TMEM132C: variants seen among roughly 807,000 people sequenced by gnomAD.
TMEM132C encodes transmembrane protein 132C.
A neutral mutation model predicts 61.4 loss-of-function variants in TMEM132C; 29 were observed. That is an observed-to-expected ratio of 0.47 (90% CI 0.35 to 0.64). The LOEUF (loss-of-function observed/expected upper bound fraction) is 0.64. Ranked by LOEUF, TMEM132C falls within the 30% of genes least tolerant of loss-of-function variation. TMEM132C has a pLI of 0.00. For missense variants in TMEM132C, 1,408 were observed against 1,476.9 expected (o/e 0.95, Z 0.76); for synonymous variants, 656 against 633.1 (o/e 1.04, Z -0.54).
At chr12:128,592,239 C>T (rs572717905) in intron 3 of TMEM132C, among the ~76,000 whole-genome samples, 2 of 152,274 alleles carry the variant, frequency 1.3e-5, no homozygotes, top group South Asian at 4.2e-4. Context: ...CACACAGCAC[C>T]ATGCTGCTGC....
At position 128,705,594 on chromosome 12, in the gene TMEM132C, G is replaced by C. The variant is rs747585738; in HGVS notation, c.2626G>C (p.Gly876Arg). Residue 876 changes from glycine to arginine, a missense_variant, in exon 9 of 9, where the codon GGG becomes CGG. By Grantham distance (125) the Gly-to-Arg change is moderately radical. Transcript: ENST00000435159. ...NKVVKNSRADGGRLAGEGQLQ... is the reference protein window; with the variant it reads ...NKVVKNSRADRGRLAGEGQLQ... ...AGTGGTGAAGAACAGTCGGGCAGAC[G>C]GGGGCAGGCTGGCAGGAGAGGGGCA... 1 of 1,551,022 alleles carries C rather than the reference G, an allele frequency of 6.4e-7. No individual in the cohort carries two copies. The highest frequency in any genetic ancestry group is 8.7e-7 in the Non-Finnish European group (1 of 1,147,006).
Position 128,705,137 on chromosome 12 carries a change from G to A in TMEM132C, c.2169G>A (p.Thr723=), listed in dbSNP as rs754749450. Residue 723 remains threonine, a synonymous_variant, in exon 9 of 9, where the codon ACG becomes ACA. Coordinates refer to ENST00000435159, the MANE Select transcript of TMEM132C (RefSeq NM_001136103.3). ...TWLQFSDGSV[T]PLDIYDTKDF... is the part of the protein sequence containing the mutation. ...TGCAGTTCAGTGATGGCTCTGTGACGCCCCTGGACATCTACGACACCAAGG... is the reference window on the plus strand; with the variant it reads ...TGCAGTTCAGTGATGGCTCTGTGACACCCCTGGACATCTACGACACCAAGG... The A allele has an allele frequency of 2.3e-5, 35 of 1,550,178 alleles. 1 individual carries two copies. Among genetic ancestry groups the A allele is most frequent in the South Asian group, 1.2e-4 (10 of 83,932 alleles).
intron 4 of TMEM132C, among the ~76,000 whole-genome samples, chr12:128,627,792 C>T (rs531158158): frequency 1.6e-4 from 25 of 152,312 alleles, no homozygotes; most frequent in Admixed American, 9.1e-4. Flanking sequence ...CTCCCTCCGC[C>T]GAGGAGTCAG....
At position 128,415,462 on chromosome 12, in the gene TMEM132C, C is replaced by T. The variant is rs754930551; in HGVS notation, c.816C>T (p.Val272=). ...TTSHLQRIGT[V]GLYRAQDSAQ... ...CCCACCTGCAGAGGATCGGCACCGT[C>T]GGCCTTTACCGGGCCCAGGACAGCG... is the stretch of plus-strand genomic sequence containing the variant. Residue 272 remains valine, a synonymous_variant, in exon 2 of 9, where the codon GTC becomes GTT. Coordinates refer to ENST00000435159, the MANE Select transcript of TMEM132C (RefSeq NM_001136103.3). The surrounding 1 kb of genome is among the most constrained non-coding windows in gnomAD (Gnocchi z 5.8). The T allele has an allele frequency of 1.7e-5, 27 of 1,551,522 alleles. No homozygotes were observed. The South Asian group carries it at 2.4e-4, about 14-fold the overall frequency.
At position 128,682,572 on chromosome 12, in the gene TMEM132C, G is replaced by A. The variant is rs1370604815; in HGVS notation, c.1450-11257G>A. Among the ~76,000 whole-genome samples, 3 of 152,204 alleles carry A rather than the reference G, an allele frequency of 2.0e-5. No homozygotes were observed. The East Asian group carries it at 5.8e-4, about 29-fold the overall frequency. Reference sequence around the variant, plus strand: ...GAGAGGCCTCAGCACTGCTGGCGTGGCCGTTAACACTCTCTGTGTGTAGGA... The same window carrying A: ...GAGAGGCCTCAGCACTGCTGGCGTGACCGTTAACACTCTCTGTGTGTAGGA... On this transcript the variant is annotated intron_variant, in intron 5 of 8. Transcript: ENST00000435159.
At chr12:128,626,947 G>A (rs1198304537) in intron 4 of TMEM132C, among the ~76,000 whole-genome samples, 2 of 152,116 alleles carry the variant, frequency 1.3e-5, no homozygotes, top group South Asian at 2.1e-4. Context: ...CCAGCCTGCC[G>A]AGTCAAGGGA....
intron 1 of TMEM132C, among the ~76,000 whole-genome samples, chr12:128,308,717 G>A (rs1442631606): frequency 1.3e-5 from 2 of 152,132 alleles, no homozygotes; most frequent in Non-Finnish European, 2.9e-5. Context: ...CATCTTCTGG[G>A]GGGAGCTGAC....
Position 128,706,166 on chromosome 12 carries a change from C to T in TMEM132C, c.3198C>T (p.Asp1066=). ...FTTFTTIPPD[D]SCPTVNSIVS... ...CCTTTACCACCATCCCCCCGGACGA[C>T]AGCTGCCCCACGGTGAACTCCATCG... Residue 1066 remains aspartate (D), a synonymous_variant, in exon 9 of 9, where the codon GAC becomes GAT. Coordinates refer to ENST00000435159, the MANE Select transcript of TMEM132C (RefSeq NM_001136103.3). The T allele has an allele frequency of 1.9e-6, 3 of 1,551,792 alleles. 1 individual carries two copies. Among genetic ancestry groups the T allele is most frequent in the South Asian group, 2.4e-5 (2 of 84,060 alleles).
At chr12:128,361,502 C>T (rs1024376111) in intron 1 of TMEM132C, among the ~76,000 whole-genome samples, 1 of 152,016 alleles carries the variant, frequency 6.6e-6, no homozygotes, top group East Asian at 1.9e-4. Context: ...TCAGGACTTC[C>T]CCATATAACA....
rs775135649 is a variant in TMEM132C, at chr12:128,616,298, G to A, written c.1268G>A (p.Ser423Asn). 1.9e-6 allele frequency: 3 copies of A among 1,552,024 alleles called. No homozygotes were observed. In the South Asian group the frequency reaches 3.6e-5, roughly 18 times the overall value. Residue 423 changes from serine (S) to asparagine (N), a missense_variant, in exon 4 of 9, where the codon AGC (serine) becomes AAC (asparagine). Coordinates refer to ENST00000435159, the MANE Select transcript of TMEM132C (RefSeq NM_001136103.3). ...TDIAVSEIFV[S>N]QKDLVGIVPL... ...ATCGCCGTGTCCGAGATCTTTGTCA[G>A]CCAGAAGGACCTGGTGGGCATCGTT...
chr12:128,268,641 C>T (rs1172509508), intron 1 of TMEM132C, among the ~76,000 whole-genome samples: 1 of 152,124 alleles, frequency 6.6e-6, no homozygotes, highest in Non-Finnish European at 1.5e-5. Context: ...CTCAAAGCCA[C>T]CCTTCTCCCG....
chr12:128,459,168 G>A (rs533670794), intron 2 of TMEM132C, among the ~76,000 whole-genome samples: 9 of 152,302 alleles, frequency 5.9e-5, no homozygotes, highest in East Asian at 1.9e-4. Context: ...TAGTGGAGGC[G>A]GAGGTAAGCA....
intron 3 of TMEM132C, among the ~76,000 whole-genome samples, chr12:128,544,503 G>A (rs183735720): frequency 6.6e-6 from 1 of 152,390 alleles, no homozygotes; most frequent in East Asian, 1.9e-4. Flanking sequence ...GAAAGGTGGT[G>A]ACAGTCAGTG....
chr12:128,466,725 C>T (rs1038504380), intron 2 of TMEM132C, among the ~76,000 whole-genome samples: 2 of 152,094 alleles, frequency 1.3e-5, no homozygotes, highest in African/African-American at 4.8e-5. Context: ...ACCATGTTGC[C>T]CAGGCTGGTC....
At chr12:128,506,610 T>C (rs545735230) in intron 2 of TMEM132C, among the ~76,000 whole-genome samples, 2 of 152,108 alleles carry the variant, frequency 1.3e-5, no homozygotes. Context: ...GTAGGTTTCA[T>C]GGAGATCTGT....
At chr12:128,688,181 C>T (rs549320367) in intron 5 of TMEM132C, among the ~76,000 whole-genome samples, 2 of 152,286 alleles carry the variant, frequency 1.3e-5, no homozygotes, top group South Asian at 4.1e-4. Flanking sequence ...GCCCACCTGC[C>T]CACAGGAATG....
intron 1 of TMEM132C, among the ~76,000 whole-genome samples, chr12:128,270,691 T>C (rs546769680): frequency 6.6e-6 from 1 of 152,350 alleles, no homozygotes; most frequent in African/African-American, 2.4e-5. Context: ...CACTTACATG[T>C]GTACACTTAG....
At chr12:128,460,981 G>C (rs898862226) in intron 2 of TMEM132C, among the ~76,000 whole-genome samples, 1 of 152,124 alleles carries the variant, frequency 6.6e-6, no homozygotes, top group Non-Finnish European at 1.5e-5. Flanking sequence ...GAGAGGATGC[G>C]TGTTCATCAA....
At chr12:128,626,457 A>ATTTTTATT (rs1555237606) in intron 4 of TMEM132C, among the ~76,000 whole-genome samples, 1 of 120,010 alleles carries the variant, frequency 8.3e-6, no homozygotes, top group African/African-American at 3.7e-5. Context: ...TTTTATTTTT[A>ATTTTTATT]TTTTTGAGAT....
Sources: allele counts gnomAD v4.1 joint callset (sites outside exome capture counted in the v4.1 genomes callset), GRCh38; gene constraint gnomAD v4.1.1; non-coding constraint Gnocchi (gnomAD v3.1); transcripts MANE v1.5; gene names NCBI Gene and HGNC (gene_info 2026-07-23, HGNC 2026-07-21).